The following PCDHA5 variants were observed in gnomAD, a reference collection of about 807,000 sequenced individuals.
PCDHA5 encodes protocadherin alpha-5.
Under a neutral mutation model 61.6 loss-of-function variants are expected in PCDHA5, and 43 were observed. The ratio of observed to expected loss-of-function variants is 0.70; its 90% CI spans 0.55 to 0.90. PCDHA5 has a LOEUF of 0.90. PCDHA5 is among the 40% of genes least tolerant of loss of function. The probability of loss-of-function intolerance (pLI) is 0.00; values close to 1 mark genes in which losing one functional copy is unlikely to be tolerated. For synonymous variants in PCDHA5, 627 were observed against 543.9 expected (o/e 1.15, Z -2.13); for missense variants, 1,298 against 1,222.7 (o/e 1.06, Z -0.92).
intron 1 of PCDHA5, among the ~76,000 whole-genome samples, chr5:140,910,613 C>T (rs1470911168): frequency 1.3e-5 from 2 of 152,192 alleles, no homozygotes; most frequent in Admixed American, 1.3e-4. Context: ...ACTGACTAAT[C>T]CACTCCACCA....
At chr5:140,989,546 CT>C (rs1343132361) in intron 3 of PCDHA5, among the ~76,000 whole-genome samples, 1 of 152,140 alleles carries the variant, frequency 6.6e-6, no homozygotes, top group African/African-American at 2.4e-5. Context: ...TTTGTAATTC[CT>C]TTACGTTTTG....
At chr5:140,895,532 A>G (rs546443647) in intron 1 of PCDHA5, among the ~76,000 whole-genome samples, 1 of 152,172 alleles carries the variant, frequency 6.6e-6, no homozygotes, top group East Asian at 1.9e-4. Flanking sequence ...TCGTTTTTCA[A>G]TTGTTGAGTT....
At chr5:140,941,221 T>TTCTTTCTTTCTTTCTTTCTC (rs1563186510) in intron 1 of PCDHA5, among the ~76,000 whole-genome samples, 1 of 131,536 alleles carries the variant, frequency 7.6e-6, no homozygotes, top group Admixed American at 7.9e-5. Context: ...CTTCCTTTCT[T>TTCTTTCTTTCTTTCTTTCTC]TCTTTCTTTC....
chr5:140,909,254 G>T (rs915513119), intron 1 of PCDHA5, among the ~76,000 whole-genome samples: 1 of 152,216 alleles, frequency 6.6e-6, no homozygotes, highest in Non-Finnish European at 1.5e-5. Context: ...TGCTGGCCTT[G>T]CTGACTGAAG....
chr5:140,934,534 G>A (rs1248269957), intron 1 of PCDHA5, among the ~76,000 whole-genome samples: 1 of 152,062 alleles, frequency 6.6e-6, no homozygotes, highest in Admixed American at 6.6e-5. Flanking sequence ...GAGAGCTACC[G>A]TTCTAATTCT....
At position 140,876,499 on chromosome 5, in the gene PCDHA5, G is replaced by A. The variant is rs781995151; in HGVS notation, c.2352+52372G>A. ...CATGGTCCTGGTGGAAGTTCTGGAC[G>A]TGAATGACAATGTCCCTGAAGTAAT... On this transcript the variant is annotated intron_variant, in intron 1 of 3. Transcript: ENST00000529859. 5.0e-6 allele frequency: 8 copies of A among 1,613,910 alleles called. No homozygotes were observed. The Admixed American group carries it at 1.0e-4, about 20-fold the overall frequency.
chr5:140,836,207 G>A, intron 1 of PCDHA5: 1 of 1,613,844 alleles, frequency 6.2e-7, no homozygotes, highest in Non-Finnish European at 8.5e-7. Context: ...CGTGGCTTTC[G>A]TATGAGTTGC....
chr5:141,000,593 A>G (rs1021263998), intron 3 of PCDHA5, among the ~76,000 whole-genome samples: 3 of 150,498 alleles, frequency 2.0e-5, no homozygotes, highest in African/African-American at 4.9e-5. Flanking sequence ...ATGCCCAGCT[A>G]ATTTTTGTAT....
intron 1 of PCDHA5, chr5:140,829,598 G>T (rs2150170888): frequency 3.7e-6 from 6 of 1,611,956 alleles, no homozygotes; most frequent in East Asian, 2.2e-5. Context: ...GGGCGAGCGC[G>T]CGTTGTCGAG....
chr5:140,953,283 G>A (rs1377100708), intron 1 of PCDHA5, among the ~76,000 whole-genome samples: 5 of 152,132 alleles, frequency 3.3e-5, no homozygotes, highest in Non-Finnish European at 7.3e-5. Flanking sequence ...CTCTTTATAT[G>A]TGATTCAGGG....
intron 1 of PCDHA5, chr5:140,828,727 G>A (rs1769906344): frequency 1.2e-6 from 2 of 1,614,210 alleles, no homozygotes; most frequent in African/African-American, 1.3e-5. Context: ...ACTTATTCCT[G>A]ACAGCCACAG....
intron 1 of PCDHA5, among the ~76,000 whole-genome samples, chr5:140,921,713 A>T (rs1247257514): frequency 2.0e-5 from 3 of 152,174 alleles, no homozygotes; most frequent in Non-Finnish European, 4.4e-5. Flanking sequence ...CAGTAAACAC[A>T]CGAATTACTC....
At chr5:140,875,262 C>A in intron 1 of PCDHA5, 1 of 1,157,366 alleles carries the variant, frequency 8.6e-7, no homozygotes, top group African/African-American at 1.6e-5. Flanking sequence ...CATGATGTCG[C>A]TCTACACTCA....
At chr5:140,962,203 C>T (rs1431150597) in intron 1 of PCDHA5, among the ~76,000 whole-genome samples, 1 of 152,086 alleles carries the variant, frequency 6.6e-6, no homozygotes, top group African/African-American at 2.4e-5. Flanking sequence ...CTTCCTATCT[C>T]CTTATTGATC....
chr5:140,881,465 G>A, intron 1 of PCDHA5: 1 of 597,254 alleles, frequency 1.7e-6, no homozygotes, highest in Non-Finnish European at 2.1e-6. Flanking sequence ...TTAGAGCATT[G>A]TTGTGGCTAA....
intron 1 of PCDHA5, chr5:140,848,628 G>A (rs1324481449): frequency 6.3e-7 from 1 of 1,593,422 alleles, no homozygotes; most frequent in Non-Finnish European, 8.6e-7. Flanking sequence ...CGGCACCTTC[G>A]TGGGCCGCAT....
intron 1 of PCDHA5, among the ~76,000 whole-genome samples, chr5:140,873,723 CAA>C (rs1554166874): frequency 6.6e-6 from 1 of 152,158 alleles, no homozygotes; most frequent in Non-Finnish European, 1.5e-5. Context: ...TGCAGTGGCG[CAA>C]TCTCAGCTCA....
At chr5:140,968,683 A>G (rs782664501) in intron 1 of PCDHA5, 7 of 1,614,164 alleles carry the variant, frequency 4.3e-6, no homozygotes. Flanking sequence ...AGCTGCACAC[A>G]GGAGAAATTA....
intron 1 of PCDHA5, among the ~76,000 whole-genome samples, chr5:140,839,603 T>TG (rs1554137521): frequency 6.6e-6 from 1 of 152,086 alleles, no homozygotes; most frequent in African/African-American, 2.4e-5. Context: ...TTGCCCAGGC[T>TG]GGTCTCAAAC....
Sources: gnomAD v4.1 joint callset for allele counts (sites outside exome capture counted in the v4.1 genomes callset) on GRCh38, gnomAD v4.1.1 for gene constraint, MANE v1.5 for transcripts, NCBI Gene and HGNC (gene_info 2026-07-23, HGNC 2026-07-21) for gene names.